The following CCDC102B variants were observed in gnomAD, a reference collection of about 807,000 sequenced individuals.
CCDC102B encodes the protein coiled-coil domain containing 102B, also known as coiled-coil domain-containing protein 102B.
Under a neutral mutation model 57.4 loss-of-function variants are expected in CCDC102B, and 75 were observed. The ratio of observed to expected loss-of-function variants is 1.31; its 90% CI spans 1.08 to 1.58. The LOEUF is 1.58. CCDC102B is among the 40% of genes most tolerant of loss of function. The pLI is 0.00. For missense variants in CCDC102B, 636 were observed against 582.6 expected (o/e 1.09, Z -0.94); for synonymous variants, 206 against 201.9 (o/e 1.02, Z -0.17).
chr18:69,029,693 C>T (rs1336246184), intron 7 of CCDC102B, among the ~76,000 whole-genome samples: 3 of 152,082 alleles, frequency 2.0e-5, no homozygotes, highest in African/African-American at 7.2e-5. Context: ...ATGTTATTTG[C>T]TTTTCATTCT....
chr18:68,888,659 A>C (rs1336037088), intron 5 of CCDC102B, among the ~76,000 whole-genome samples: 1 of 152,178 alleles, frequency 6.6e-6, no homozygotes, highest in Non-Finnish European at 1.5e-5. Flanking sequence ...TGACTGACAG[A>C]CTAGACTCAG....
chr18:68,951,199 T>C (rs1002615988), intron 6 of CCDC102B, among the ~76,000 whole-genome samples: 15 of 151,918 alleles, frequency 9.9e-5, no homozygotes, highest in African/African-American at 3.4e-4. Flanking sequence ...GTTAGGGAGT[T>C]CCAGAAAAGA....
chr18:68,986,469 G>A (rs906745725), intron 6 of CCDC102B, among the ~76,000 whole-genome samples: 3 of 152,074 alleles, frequency 2.0e-5, no homozygotes, highest in African/African-American at 7.2e-5. Flanking sequence ...ACCGTCAACA[G>A]AATAGGTTGA....
At chr18:68,857,282 ATATT>A (rs2038492611) in intron 4 of CCDC102B, among the ~76,000 whole-genome samples, 2 of 9,162 alleles carry the variant, frequency 2.2e-4, no homozygotes, top group South Asian at 2.2e-3. Context: ...TATATAATAT[ATATT>A]TATATATTAT....
intron 2 of CCDC102B, among the ~76,000 whole-genome samples, chr18:68,789,343 G>A (rs1052035741): frequency 3.6e-4 from 55 of 152,078 alleles, no homozygotes; most frequent in Middle Eastern, 3.4e-3. Flanking sequence ...TCTTTGTGGC[G>A]TTCTCTGTAT....
chr18:68,884,609 T>C (rs75814114), intron 5 of CCDC102B, among the ~76,000 whole-genome samples: 6 of 148,984 alleles, frequency 4.0e-5, no homozygotes, highest in African/African-American at 9.8e-5. Flanking sequence ...CACACACATA[T>C]ACACACACAC....
intron 6 of CCDC102B, among the ~76,000 whole-genome samples, chr18:68,945,467 A>G (rs181496761): frequency 6.6e-6 from 1 of 152,262 alleles, no homozygotes; most frequent in East Asian, 1.9e-4. Context: ...CCTGCCTATG[A>G]TATAAAAATA....
At chr18:69,004,265 A>G (rs1740832912) in intron 6 of CCDC102B, among the ~76,000 whole-genome samples, 2 of 152,138 alleles carry the variant, frequency 1.3e-5, no homozygotes, top group African/African-American at 4.8e-5. Flanking sequence ...TACATTAGCT[A>G]TGGGAAGAAC....
intron 6 of CCDC102B, among the ~76,000 whole-genome samples, chr18:68,990,891 C>T (rs2050847461): frequency 6.6e-6 from 1 of 152,114 alleles, no homozygotes; most frequent in African/African-American, 2.4e-5. Context: ...CAAAAAGTCA[C>T]AAAAATTCAC....
intron 6 of CCDC102B, among the ~76,000 whole-genome samples, chr18:69,010,135 A>G (rs1568122725): frequency 8.7e-6 from 1 of 115,272 alleles, no homozygotes; most frequent in Non-Finnish European, 1.7e-5. Flanking sequence ...GTAGAGACGG[A>G]GTTTCACCGT....
chr18:68,953,919 T>TA (rs995697422), intron 6 of CCDC102B, among the ~76,000 whole-genome samples: 7 of 152,004 alleles, frequency 4.6e-5, no homozygotes, highest in Non-Finnish European at 7.4e-5. Flanking sequence ...AACATTACAT[T>TA]AAAAAAACAG....
chr18:68,815,134 G>C lies in CCDC102B; in HGVS notation c.-16+16953G>C, dbSNP rs180970239. ...ATGATTTTTTATTTGCTTGTTCTGA[G>C]GTTTTAAGTCATTAAAAGGTAAATT... On this transcript the variant is annotated intron_variant, in intron 1 of 7. Coordinates refer to ENST00000360242, the MANE Select transcript of CCDC102B (RefSeq NM_024781.3). Among the ~76,000 whole-genome samples, 338 of 152,154 alleles carry C rather than the reference G, an allele frequency of 2.2e-3. 4 individuals are homozygous for C. The highest frequency in any genetic ancestry group is 7.7e-3 in the African/African-American group (321 of 41,540).
intron 1 of CCDC102B, among the ~76,000 whole-genome samples, chr18:68,811,442 C>T (rs368869718): frequency 6.6e-6 from 1 of 152,214 alleles, no homozygotes; most frequent in Middle Eastern, 3.4e-3. Flanking sequence ...TGGCAAAACC[C>T]CATCTCTACT....
Position 69,019,590 on chromosome 18 carries a change from T to C in CCDC102B, c.1434+8486T>C, listed in dbSNP as rs150154456. On this transcript the variant is annotated intron_variant, in intron 7 of 7. Transcript: ENST00000360242. ...AGGTTGATTTCTTATCCAGCAACTT[T>C]ACTGAATTCATTTATTAGTTTCAAC... 3.3e-4 allele frequency among the ~76,000 whole-genome samples: 50 copies of C among 152,254 alleles called. 1 individual carries two copies. Among genetic ancestry groups the C allele is most frequent in the African/African-American group, 1.2e-3 (48 of 41,578 alleles).
chr18:68,870,489 C>T (rs117029112), intron 4 of CCDC102B, among the ~76,000 whole-genome samples: 1,573 of 152,082 alleles, frequency 0.01, 30 homozygotes, highest in East Asian at 0.073. Context: ...TCAAGATACA[C>T]GAGAGAAACA....
chr18:68,729,560 G>A (rs1477920925), intron 2 of CCDC102B, among the ~76,000 whole-genome samples: 1 of 152,122 alleles, frequency 6.6e-6, no homozygotes, highest in African/African-American at 2.4e-5. Flanking sequence ...GGAGAAAACT[G>A]GAGAAAAGCT....
chr18:68,788,470 CT>C (rs1288868546), intron 2 of CCDC102B, among the ~76,000 whole-genome samples: 4 of 151,290 alleles, frequency 2.6e-5, no homozygotes, highest in Non-Finnish European at 4.4e-5. Flanking sequence ...GTCTAAGTCT[CT>C]TTGTAGGTCG....
intron 6 of CCDC102B, among the ~76,000 whole-genome samples, chr18:68,925,173 G>A (rs1014137644): frequency 6.6e-6 from 1 of 152,054 alleles, no homozygotes; most frequent in Non-Finnish European, 1.5e-5. Context: ...CTGACAAAAT[G>A]TATTACAAAA....
intron 4 of CCDC102B, among the ~76,000 whole-genome samples, chr18:68,847,741 A>G (rs2037938894): frequency 6.6e-6 from 1 of 151,780 alleles, no homozygotes; most frequent in Non-Finnish European, 1.5e-5. Flanking sequence ...TAAAATGCTG[A>G]TAGGGTTTCA....
Sources: gnomAD v4.1 joint callset for allele counts (sites outside exome capture counted in the v4.1 genomes callset) on GRCh38, gnomAD v4.1.1 for gene constraint, MANE v1.5 for transcripts, NCBI Gene and HGNC (gene_info 2026-07-23, HGNC 2026-07-21) for gene names.